The following FAF1 variants were observed in gnomAD, a reference collection of about 807,000 sequenced individuals.
The protein encoded by FAF1 is Fas associated factor 1.
FAF1 carries 25 observed loss-of-function variants against 92.5 expected under a neutral mutation model. The observed-to-expected ratio is 0.27, with a 90% CI of 0.20 to 0.38. FAF1 has a LOEUF of 0.38. FAF1 is among the 10% of genes least tolerant of loss of function. The pLI is 1.00. For missense variants in FAF1, 636 were observed against 793.3 expected (o/e 0.80, Z 2.38); for synonymous variants, 234 against 273.2 (o/e 0.86, Z 1.42).
rs188522738 is a variant in FAF1 at position 50,515,605 on chromosome 1, G to A, written c.1494+19764C>T. Among the ~76,000 whole-genome samples, 353 of 152,232 alleles carry A rather than the reference G, an allele frequency of 2.3e-3. 1 individual carries two copies. Among genetic ancestry groups the A allele is most frequent in the African/African-American group, 8.3e-3 (344 of 41,544 alleles). On this transcript the variant is annotated intron_variant, in intron 15 of 18. Transcript: ENST00000396153. ...ATTATCATAAAGATAGGAACAAAGT[G>A]AGTAAGCAAATGTCATACCTATCAA...
At chr1:50,831,625 T>C (rs1282426984) in intron 2 of FAF1, among the ~76,000 whole-genome samples, 1 of 152,186 alleles carries the variant, frequency 6.6e-6, no homozygotes, top group South Asian at 2.1e-4. Context: ...TTTTATCTAA[T>C]TGCTAGTAGC....
chr1:50,821,768 C>T (rs1300909371), intron 2 of FAF1, among the ~76,000 whole-genome samples: 1 of 152,146 alleles, frequency 6.6e-6, no homozygotes, highest in African/African-American at 2.4e-5. Context: ...TAAAGATGAA[C>T]TGCTTTTACA....
chr1:50,598,903 G>A (rs1651960116), intron 8 of FAF1, among the ~76,000 whole-genome samples: 3 of 152,028 alleles, frequency 2.0e-5, no homozygotes, highest in South Asian at 4.2e-4. Flanking sequence ...CTGGGAAGTG[G>A]AGGTTGCAGT....
intron 3 of FAF1, among the ~76,000 whole-genome samples, chr1:50,789,389 C>T (rs146975821): frequency 3.0e-4 from 46 of 152,278 alleles, no homozygotes; most frequent in African/African-American, 1.1e-3. Context: ...AGTATGTCCA[C>T]AGCTTAGTTC....
intron 8 of FAF1, chr1:50,612,320 GGTTA>G: frequency 8.3e-7 from 1 of 1,211,680 alleles, no homozygotes; most frequent in Non-Finnish European, 1.1e-6. Flanking sequence ...ACAATGAAAA[GGTTA>G]TTTTACCTCA....
intron 18 of FAF1, among the ~76,000 whole-genome samples, chr1:50,471,967 G>A (rs1411970003): frequency 6.6e-6 from 1 of 152,080 alleles, no homozygotes; most frequent in Non-Finnish European, 1.5e-5. Context: ...AAGGGAAGGG[G>A]TAGAAAAGGA....
At chr1:50,598,663 T>C (rs745450889) in intron 8 of FAF1, among the ~76,000 whole-genome samples, 3 of 152,114 alleles carry the variant, frequency 2.0e-5, no homozygotes, top group Non-Finnish European at 4.4e-5. Context: ...GTTAAGAACA[T>C]ACTGTGCTGG....
At chr1:50,601,037 A>G (rs953278748) in intron 8 of FAF1, among the ~76,000 whole-genome samples, 5 of 152,234 alleles carry the variant, frequency 3.3e-5, no homozygotes, top group African/African-American at 1.2e-4. Context: ...TGAACTGCTG[A>G]ACTATGTAAT....
At chr1:50,563,573 T>C (rs1426779451) in intron 13 of FAF1, among the ~76,000 whole-genome samples, 1 of 152,160 alleles carries the variant, frequency 6.6e-6, no homozygotes, top group Non-Finnish European at 1.5e-5. Context: ...ACCTCCAATT[T>C]AGATATGCAA....
intron 12 of FAF1, among the ~76,000 whole-genome samples, chr1:50,571,943 A>C (rs960920427): frequency 6.6e-6 from 1 of 152,224 alleles, no homozygotes; most frequent in African/African-American, 2.4e-5. Context: ...CAATGCTTTT[A>C]AAGTTGATAT....
chr1:50,955,714 T>A (rs1645261192), intron 1 of FAF1, among the ~76,000 whole-genome samples: 1 of 152,206 alleles, frequency 6.6e-6, no homozygotes, highest in Non-Finnish European at 1.5e-5. Context: ...TGATTCACAG[T>A]ACCTACAAGG....
At chr1:50,585,279 A>G (rs369191154) in intron 9 of FAF1, among the ~76,000 whole-genome samples, 5 of 152,204 alleles carry the variant, frequency 3.3e-5, no homozygotes, top group Admixed American at 6.5e-5. Flanking sequence ...AATATGGTAC[A>G]CTATCCTCAC....
At chr1:50,575,363 G>T (rs964806061) in intron 12 of FAF1, among the ~76,000 whole-genome samples, 4 of 152,182 alleles carry the variant, frequency 2.6e-5, no homozygotes, top group Non-Finnish European at 5.9e-5. Context: ...ATACTATTTA[G>T]TAGAAATATC....
intron 13 of FAF1, among the ~76,000 whole-genome samples, chr1:50,554,388 T>TAGAG (rs559745248): frequency 0.087 from 8,742 of 100,116 alleles, 352 homozygotes; most frequent in Middle Eastern, 0.11. Flanking sequence ...TATATATATA[T>TAGAG]ATAGAGAGAG....
At chr1:50,896,769 C>G (rs12076849) in intron 1 of FAF1, among the ~76,000 whole-genome samples, 1 of 151,916 alleles carries the variant, frequency 6.6e-6, no homozygotes, top group Non-Finnish European at 1.5e-5. Flanking sequence ...AAATGGTGAC[C>G]GTCAGACAAT....
At chr1:50,692,148 C>T (rs1656956853) in intron 7 of FAF1, among the ~76,000 whole-genome samples, 2 of 151,774 alleles carry the variant, frequency 1.3e-5, no homozygotes, top group South Asian at 2.1e-4. Flanking sequence ...CCCGGGAGTT[C>T]GAGCATGCAG....
At chr1:50,856,174 C>G (rs1644389431) in intron 2 of FAF1, among the ~76,000 whole-genome samples, 1 of 151,726 alleles carries the variant, frequency 6.6e-6, no homozygotes, top group Admixed American at 6.6e-5. Context: ...GACTTGTACT[C>G]CCAGCCCACC....
At chr1:50,630,048 C>T (rs910280460) in intron 8 of FAF1, among the ~76,000 whole-genome samples, 2 of 148,608 alleles carry the variant, frequency 1.3e-5, no homozygotes, top group Non-Finnish European at 3.0e-5. Context: ...CAGAGCGAGC[C>T]TCTGTCTCAA....
At chr1:50,695,117 A>C (rs1357563632) in intron 7 of FAF1, among the ~76,000 whole-genome samples, 2 of 151,994 alleles carry the variant, frequency 1.3e-5, no homozygotes, top group Non-Finnish European at 2.9e-5. Flanking sequence ...AAATACTTTA[A>C]AGATTGTTGG....
Sources: allele counts gnomAD v4.1 joint callset (sites outside exome capture counted in the v4.1 genomes callset), GRCh38; gene constraint gnomAD v4.1.1; transcripts MANE v1.5; gene names NCBI Gene and HGNC (gene_info 2026-07-23, HGNC 2026-07-21).